The following ARHGAP39 variants were observed in gnomAD, a reference collection of about 807,000 sequenced individuals.
ARHGAP39 encodes the protein Rho GTPase activating protein 39.
Under a neutral mutation model 106.9 loss-of-function variants are expected in ARHGAP39, and 44 were observed. That is an observed-to-expected ratio of 0.41 (90% CI 0.32 to 0.53). ARHGAP39 has a LOEUF of 0.53. ARHGAP39 is among the 20% of genes least tolerant of loss of function. ARHGAP39 has a pLI of 0.21. For synonymous variants in ARHGAP39, 768 were observed against 693.2 expected (o/e 1.11, Z -1.69); for missense variants, 1,496 against 1,577.3 (o/e 0.95, Z 0.87).
chr8:144,547,940 G>C lies in ARHGAP39; in HGVS notation c.1146C>G (p.Phe382Leu). ...CGGCGGGACTGTACTCCAGGCTCAGGAAGCGCTCGGGACACTTCTGCTTGG... is the reference window on the plus strand; with the variant it reads ...CGGCGGGACTGTACTCCAGGCTCAGCAAGCGCTCGGGACACTTCTGCTTGG... Reference protein sequence around the residue: ...VLTKQKCPERFLSLEYSPAGK... With the variant: ...VLTKQKCPERLLSLEYSPAGK... Residue 382 changes from phenylalanine (F) to leucine (L), a missense_variant, in exon 5 of 12, where the codon TTC becomes TTG. Phe to Leu is a conservative substitution (Grantham distance 22, BLOSUM62 0). Coordinates refer to ENST00000377307, the MANE Select transcript of ARHGAP39 (RefSeq NM_025251.3). The surrounding 1 kb of genome is among the most constrained non-coding windows in gnomAD (Gnocchi z 5.2). 2 of 1,595,124 alleles carry C rather than the reference G, an allele frequency of 1.3e-6. No individual in the cohort carries two copies. The highest frequency in any genetic ancestry group is 1.7e-6 in the Non-Finnish European group (2 of 1,171,280).
At chr8:144,579,201 CA>C (rs541332282) in intron 3 of ARHGAP39, among the ~76,000 whole-genome samples, 4,184 of 39,932 alleles carry the variant, frequency 0.1, 19 homozygotes, top group Non-Finnish European at 0.16. Context: ...GACTCTGTCT[CA>C]AAAAAAAAAA....
chr8:144,545,285 T>C lies in ARHGAP39; in HGVS notation c.2485A>G (p.Ile829Val), dbSNP rs1355557012. Residue 829 changes from isoleucine (I) to valine (V), a missense_variant, in exon 6 of 12, where the codon ATC becomes GTC. Transcript: ENST00000377307. ...PKFHSYLEGY[I>V]YRHMDPVNDT... is the part of the protein sequence containing the mutation. ...TTGACGGGGTCCATGTGCCGGTAGA[T>C]GTAGCCTTCCAGGTAGGAGTGGAAC... is the stretch of plus-strand genomic sequence containing the variant. 14 of 1,565,270 alleles carry C rather than the reference T, an allele frequency of 8.9e-6. No homozygotes were observed. The East Asian group carries it at 3.0e-4, about 33-fold the overall frequency.
chr8:144,545,361 G>T lies in ARHGAP39; in HGVS notation c.2409C>A (p.Arg803=), dbSNP rs760479420. ...TENFRLESLA[R]GWELMAICLA... ...GGCAGATGGCCATGAGCTCCCAGCC[G>T]CGGGCCAGGCTCTCCAGGCGGAAGT... Residue 803 remains arginine, a synonymous_variant, in exon 6 of 12, where the codon CGC becomes CGA. Coordinates refer to ENST00000377307, the MANE Select transcript of ARHGAP39 (RefSeq NM_025251.3). 3 of 1,600,376 alleles carry T rather than the reference G, an allele frequency of 1.9e-6. No individual in the cohort carries two copies. The highest frequency in any genetic ancestry group is 2.6e-6 in the Non-Finnish European group (3 of 1,171,168).
chr8:144,676,872 G>A (rs1470932485), intron 1 of ARHGAP39, among the ~76,000 whole-genome samples: 1 of 152,268 alleles, frequency 6.6e-6, no homozygotes, highest in African/African-American at 2.4e-5. Context: ...CGGACGCCGA[G>A]GAGGCGCCGA....
At chr8:144,632,577 G>C (rs1336632489) in intron 1 of ARHGAP39, among the ~76,000 whole-genome samples, 3 of 152,220 alleles carry the variant, frequency 2.0e-5, no homozygotes, top group Non-Finnish European at 4.4e-5. Flanking sequence ...TCAGTCCCCT[G>C]CCCCAGGGGT....
chr8:144,634,816 G>A (rs1821135718), intron 1 of ARHGAP39, among the ~76,000 whole-genome samples: 3 of 140,526 alleles, frequency 2.1e-5, no homozygotes, highest in African/African-American at 8.1e-5. Flanking sequence ...CCAGGCCTCT[G>A]CAGGCGCAGT....
At position 144,671,026 on chromosome 8, in the gene ARHGAP39, C is replaced by T. The variant is rs779921252; in HGVS notation, c.-82+14660G>A. Among the ~76,000 whole-genome samples the T allele has an allele frequency of 4.6e-5, 7 of 152,226 alleles. No homozygotes were observed. The highest frequency in any genetic ancestry group is 1.0e-4 in the Non-Finnish European group (7 of 68,038). ...CACATGTGCTCACACTCAGGACACA[C>T]AGTGCTGCCAAGCCTCAGGGCCGCC... On this transcript the variant is annotated intron_variant, in intron 1 of 11. Transcript: ENST00000377307. The surrounding 1 kb of genome is among the most constrained non-coding windows in gnomAD (Gnocchi z 4.5).
intron 1 of ARHGAP39, among the ~76,000 whole-genome samples, chr8:144,607,234 T>TC (rs1820327055): frequency 1.6e-5 from 1 of 63,192 alleles, no homozygotes; most frequent in Non-Finnish European, 2.7e-5. Context: ...AGACATTGTC[T>TC]CAAAAAAAAA....
Position 144,530,199 on chromosome 8 carries a change from G to A in ARHGAP39, c.*223C>T, listed in dbSNP as rs1479577681. 3 of 559,326 alleles carry A rather than the reference G, an allele frequency of 5.4e-6. No individual in the cohort carries two copies. Among genetic ancestry groups the A allele is most frequent in the Non-Finnish European group, 9.4e-6 (3 of 319,282 alleles). 34.6% of individuals were successfully genotyped at this position (559,326 alleles called of 1,614,324 possible). On this transcript the variant is annotated 3_prime_UTR_variant, in exon 12 of 12. Coordinates refer to ENST00000377307, the MANE Select transcript of ARHGAP39 (RefSeq NM_025251.3). ...GAGGCGGTGCCCGCGGGAACTGGCC[G>A]TGAGGTGGGGGGCCAGAGGCGCCCT...
At chr8:144,555,765 G>GC (rs1297880072) in intron 3 of ARHGAP39, 122 bp from the exon 4 acceptor site, 1 of 823,176 alleles carries the variant, frequency 1.2e-6, no homozygotes, top group Non-Finnish European at 2.0e-6. Flanking sequence ...CCTGGCTCCT[G>GC]CCCCCAGGCT....
Position 144,649,965 on chromosome 8 carries a change from A to G in ARHGAP39, c.-82+35721T>C, listed in dbSNP as rs142000134. Among the ~76,000 whole-genome samples the G allele has an allele frequency of 4.3e-3, 648 of 152,134 alleles. 8 individuals are homozygous for G. Among genetic ancestry groups the G allele is most frequent in the African/African-American group, 0.015 (607 of 41,516 alleles). ...CGAGACCAGCCTGGCCAACATGGTGAAACCCTGTTTCTACTAAAAATACAA... is the reference window on the plus strand; with the variant it reads ...CGAGACCAGCCTGGCCAACATGGTGGAACCCTGTTTCTACTAAAAATACAA... On this transcript the variant is annotated intron_variant, in intron 1 of 11. Coordinates refer to ENST00000377307, the MANE Select transcript of ARHGAP39 (RefSeq NM_025251.3).
chr8:144,652,807 C>G (rs1447309093), intron 1 of ARHGAP39, among the ~76,000 whole-genome samples: 2 of 152,006 alleles, frequency 1.3e-5, no homozygotes, highest in African/African-American at 4.8e-5. Flanking sequence ...AGGATAACTA[C>G]TGGGTACTGG....
At chr8:144,657,174 G>A (rs1383269288) in intron 1 of ARHGAP39, among the ~76,000 whole-genome samples, 4 of 151,456 alleles carry the variant, frequency 2.6e-5, no homozygotes, top group Non-Finnish European at 5.9e-5. Flanking sequence ...TGGGTAGATT[G>A]TTTGAACCCA....
At chr8:144,611,938 G>A (rs1820503117) in intron 1 of ARHGAP39, among the ~76,000 whole-genome samples, 1 of 151,970 alleles carries the variant, frequency 6.6e-6, no homozygotes, top group Admixed American at 6.6e-5. Flanking sequence ...GAATCTGGGA[G>A]GTGGAGGTTG....
At chr8:144,580,044 C>A (rs1432131415) in intron 3 of ARHGAP39, among the ~76,000 whole-genome samples, 1 of 151,808 alleles carries the variant, frequency 6.6e-6, no homozygotes. Context: ...CACTGTCCTG[C>A]CCGCCTGCCT....
intron 1 of ARHGAP39, among the ~76,000 whole-genome samples, chr8:144,650,448 C>CA (rs1452167216): frequency 2.0e-5 from 3 of 151,978 alleles, no homozygotes; most frequent in Admixed American, 1.3e-4. Flanking sequence ...GGCACAACAA[C>CA]AAAAAATATA....
chr8:144,576,354 AAAAGAACG>A, intron 3 of ARHGAP39, among the ~76,000 whole-genome samples: 1 of 150,964 alleles, frequency 6.6e-6, no homozygotes, highest in Non-Finnish European at 1.5e-5. Context: ...AAAAAAAAAA[AAAAGAACG>A]AAAAAAAACC....
chr8:144,661,172 G>A (rs1467166932), intron 1 of ARHGAP39, among the ~76,000 whole-genome samples: 1 of 152,080 alleles, frequency 6.6e-6, no homozygotes, highest in Non-Finnish European at 1.5e-5. Flanking sequence ...CCCACTCCGG[G>A]ACCACCATGG....
chr8:144,555,739 A>T (rs1322296790), intron 3 of ARHGAP39, 96 bp from the exon 4 acceptor site: 4 of 1,054,398 alleles, frequency 3.8e-6, no homozygotes, highest in Non-Finnish European at 1.5e-6. Flanking sequence ...CTGCCACCTC[A>T]ATTTCCTGGA....
Sources: gnomAD v4.1 joint callset for allele counts (sites outside exome capture counted in the v4.1 genomes callset) on GRCh38, gnomAD v4.1.1 for gene constraint, Gnocchi (gnomAD v3.1) non-coding constraint, MANE v1.5 for transcripts, NCBI Gene and HGNC (gene_info 2026-07-23, HGNC 2026-07-21) for gene names.